TFEC: variants seen among roughly 807,000 people sequenced by gnomAD.
TFEC encodes the protein transcription factor EC.
A neutral mutation model predicts 41.6 loss-of-function variants in TFEC; 31 were observed. The observed-to-expected ratio is 0.74, with a 90% CI of 0.56 to 1.01. The LOEUF is 1.01. Among genes scored for constraint, TFEC ranks in the 50% least tolerant of loss-of-function variants. The pLI, the probability that TFEC is intolerant of heterozygous loss-of-function variation, is 0.00. For synonymous variants in TFEC, 143 were observed against 140.6 expected (o/e 1.02, Z -0.12); for missense variants, 402 against 404.1 (o/e 0.99, Z 0.04).
At chr7:116,023,391 C>A (rs994564640) in intron 1 of TFEC, among the ~76,000 whole-genome samples, 1 of 152,144 alleles carries the variant, frequency 6.6e-6, no homozygotes, top group Non-Finnish European at 1.5e-5. Flanking sequence ...TGAAAATGGT[C>A]CAAGCACCAG....
chr7:116,111,410 G>A (rs1797852579), intron 2 of TFEC, among the ~76,000 whole-genome samples: 1 of 152,052 alleles, frequency 6.6e-6, no homozygotes, highest in African/African-American at 2.4e-5. Context: ...TTTCCAGCTG[G>A]TGGAGTGCCT....
intron 3 of TFEC, among the ~76,000 whole-genome samples, chr7:116,057,645 C>T (rs1796459801): frequency 1.3e-5 from 2 of 151,622 alleles, no homozygotes; most frequent in South Asian, 2.1e-4. Flanking sequence ...AGATAATTAA[C>T]TTTTTAAATT....
intron 6 of TFEC, among the ~76,000 whole-genome samples, chr7:115,949,311 G>C (rs965109075): frequency 3.9e-5 from 6 of 152,022 alleles, no homozygotes; most frequent in Non-Finnish European, 8.8e-5. Flanking sequence ...TCCCCATCAA[G>C]CTACCAATGA....
intron 3 of TFEC, among the ~76,000 whole-genome samples, chr7:115,959,712 G>A (rs963298769): frequency 1.3e-5 from 2 of 151,244 alleles, no homozygotes; most frequent in African/African-American, 4.8e-5. Flanking sequence ...AAATCCTATA[G>A]AATGGAAAAA....
At chr7:115,972,773 A>C (rs913219623) in intron 3 of TFEC, among the ~76,000 whole-genome samples, 1 of 152,042 alleles carries the variant, frequency 6.6e-6, no homozygotes, top group African/African-American at 2.4e-5. Context: ...TTCATCACCA[A>C]TTTTTTACTG....
intron 1 of TFEC, among the ~76,000 whole-genome samples, chr7:115,992,874 T>C (rs1264952033): frequency 1.3e-5 from 2 of 152,190 alleles, no homozygotes; most frequent in Non-Finnish European, 2.9e-5. Context: ...ATCATCCTGA[T>C]ACCAAAGCCT....
chr7:116,029,721 T>C (rs1795722563), intron 1 of TFEC, among the ~76,000 whole-genome samples: 2 of 151,970 alleles, frequency 1.3e-5, no homozygotes, highest in Non-Finnish European at 2.9e-5. Flanking sequence ...TATGTACATG[T>C]GTATAAATAT....
At chr7:116,155,331 A>G (rs1798847593) in intron 1 of TFEC, among the ~76,000 whole-genome samples, 2 of 152,236 alleles carry the variant, frequency 1.3e-5, no homozygotes, top group Admixed American at 1.3e-4. Context: ...CACATGATCA[A>G]ACATCACGTT....
chr7:115,950,346 T>A (rs1791868338), intron 6 of TFEC, among the ~76,000 whole-genome samples: 1 of 152,114 alleles, frequency 6.6e-6, no homozygotes, highest in Non-Finnish European at 1.5e-5. Context: ...TATTTCTCAA[T>A]ATTTACAAGA....
At chr7:116,034,476 C>T (rs1478039820), upstream of TFEC, among the ~76,000 whole-genome samples, 1 of 151,772 alleles carries the variant, frequency 6.6e-6, no homozygotes, top group Non-Finnish European at 1.5e-5. Context: ...CAGCTCACTC[C>T]TCTCTTTCTC....
At chr7:116,051,400 A>T (rs1309992979) in intron 3 of TFEC, among the ~76,000 whole-genome samples, 1 of 152,240 alleles carries the variant, frequency 6.6e-6, no homozygotes, top group African/African-American at 2.4e-5. Context: ...CATCAGTATC[A>T]TACTAGAGGC....
chr7:116,018,981 T>C (rs1434150175), intron 1 of TFEC, among the ~76,000 whole-genome samples: 1 of 152,124 alleles, frequency 6.6e-6, no homozygotes, highest in African/African-American at 2.4e-5. Context: ...GAAGTGACTC[T>C]AATTATAAGA....
intron 6 of TFEC, among the ~76,000 whole-genome samples, chr7:115,946,261 C>T (rs2130272349): frequency 6.6e-6 from 1 of 150,610 alleles, no homozygotes; most frequent in African/African-American, 2.4e-5. Flanking sequence ...TCTTCAGACC[C>T]TAAATGTCTT....
At chr7:116,147,241 G>A (rs1264718710) in intron 1 of TFEC, among the ~76,000 whole-genome samples, 1 of 152,214 alleles carries the variant, frequency 6.6e-6, no homozygotes, top group East Asian at 1.9e-4. Context: ...CTCAAATATA[G>A]GAAGTTCAAG....
At chr7:116,124,280 G>C (rs948265752) in intron 1 of TFEC, among the ~76,000 whole-genome samples, 1 of 151,970 alleles carries the variant, frequency 6.6e-6, no homozygotes, top group Non-Finnish European at 1.5e-5. Flanking sequence ...AGGGAAAAAC[G>C]GGGGAAAAAA....
At chr7:116,115,695 C>T (rs1275793647) in intron 1 of TFEC, among the ~76,000 whole-genome samples, 1 of 151,912 alleles carries the variant, frequency 6.6e-6, no homozygotes, top group East Asian at 1.9e-4. Flanking sequence ...TCCACAAGTT[C>T]CGGGGATTAG....
intron 1 of TFEC, among the ~76,000 whole-genome samples, chr7:116,009,549 C>T (rs550822645): frequency 6.6e-6 from 1 of 151,986 alleles, no homozygotes; most frequent in African/African-American, 2.4e-5. Context: ...CAGATATAAC[C>T]CACTCTTCAA....
intron 3 of TFEC, among the ~76,000 whole-genome samples, chr7:116,096,857 C>T (rs999998586): frequency 5.3e-5 from 8 of 151,850 alleles, no homozygotes; most frequent in Admixed American, 1.3e-4. Context: ...TTTGGGAGGC[C>T]GAAGAGGGCA....
intron 3 of TFEC, among the ~76,000 whole-genome samples, chr7:116,047,395 G>A (rs148477560): frequency 0.021 from 3,174 of 152,210 alleles, 40 homozygotes; most frequent in South Asian, 0.035. Flanking sequence ...ACAGAGACTC[G>A]CTCACTGCTA....
Sources: allele counts gnomAD v4.1 joint callset (sites outside exome capture counted in the v4.1 genomes callset), GRCh38; gene constraint gnomAD v4.1.1; transcripts MANE v1.5; gene names NCBI Gene and HGNC (gene_info 2026-07-23, HGNC 2026-07-21).